SGCD: variants seen among roughly 807,000 people sequenced by gnomAD.
The protein encoded by SGCD is delta-sarcoglycan.
Under a neutral mutation model 36.6 loss-of-function variants are expected in SGCD, and 18 were observed. That is an observed-to-expected ratio of 0.49 (90% CI 0.34 to 0.73). The LOEUF is 0.73. Among genes scored for constraint, SGCD ranks in the 30% least tolerant of loss-of-function variants. The pLI, the probability that SGCD is intolerant of heterozygous loss-of-function variation, is 0.01. For missense variants in SGCD, 387 were observed against 346.7 expected, an observed-to-expected ratio of 1.12 and a Z score of -0.92; for synonymous variants, 133 against 130.6, an observed-to-expected ratio of 1.02 and a Z score of -0.12.
intron 1 of SGCD, among the ~76,000 whole-genome samples, chr5:156,114,497 C>T (rs1345911149): frequency 6.6e-6 from 1 of 151,966 alleles, no homozygotes; most frequent in Non-Finnish European, 1.5e-5. Context: ...CATTGTGCAA[C>T]ATGATCATGA....
rs543739586 is a variant in SGCD at position 156,156,436 on chromosome 5, C to T, written c.-44+32417C>T. On this transcript the variant is annotated intron_variant, in intron 3 of 9. Transcript: ENST00000517913. ...TTGAGGTCAGGAATTCGAGATCAGC[C>T]TGACCAACATGGCAAAACCCTGTTT... Among the ~76,000 whole-genome samples the T allele has an allele frequency of 4.2e-4, 64 of 151,636 alleles. 3 individuals carry two copies. The highest frequency in any genetic ancestry group is 1.5e-3 in the African/African-American group (62 of 40,966).
At chr5:156,190,486 A>G (rs765568925) in intron 3 of SGCD, among the ~76,000 whole-genome samples, 1 of 152,068 alleles carries the variant, frequency 6.6e-6, no homozygotes, top group Admixed American at 6.6e-5. Flanking sequence ...GTTTTGCCCT[A>G]TGTAATTTAT....
chr5:155,886,824 A>C (rs1376977252), intron 1 of SGCD, among the ~76,000 whole-genome samples: 1 of 152,150 alleles, frequency 6.6e-6, no homozygotes, highest in East Asian at 1.9e-4. Flanking sequence ...AGGGGCAAAA[A>C]TCACTCAGCA....
At chr5:156,224,182 G>T (rs1233015705) in intron 3 of SGCD, among the ~76,000 whole-genome samples, 1 of 151,948 alleles carries the variant, frequency 6.6e-6, no homozygotes, top group Non-Finnish European at 1.5e-5. Context: ...GAGGTGCAGG[G>T]AGATAGAGAG....
chr5:156,703,956 T>A (rs542569285), intron 7 of SGCD: 1 of 152,096 alleles, frequency 6.6e-6, no homozygotes, highest in African/African-American at 2.4e-5. Flanking sequence ...GAGGGAGGAA[T>A]GAACCACCAT....
intron 3 of SGCD, among the ~76,000 whole-genome samples, chr5:156,437,289 T>A (rs768969493): frequency 3.3e-5 from 5 of 152,196 alleles, no homozygotes; most frequent in Non-Finnish European, 1.5e-5. Flanking sequence ...TTTAGTTGGA[T>A]TCTGTCATCT....
intron 1 of SGCD, among the ~76,000 whole-genome samples, chr5:155,948,064 G>A (rs1482911854): frequency 6.6e-6 from 1 of 152,164 alleles, no homozygotes; most frequent in African/African-American, 2.4e-5. Context: ...ATCACCTGAG[G>A]TCAGGAGTTC....
At position 156,149,418 on chromosome 5, in the gene SGCD, G is replaced by A. The variant is rs185044437; in HGVS notation, c.-44+25399G>A. ...TACTCTGATAAGCAGACTGAATCAT[G>A]TTTTGGATGTCATTCTTCAGATGCT... On this transcript the variant is annotated intron_variant, in intron 3 of 9. Transcript: ENST00000517913. Among the ~76,000 whole-genome samples the A allele has an allele frequency of 6.3e-4, 96 of 152,276 alleles. 1 individual carries two copies. The Middle Eastern group carries it at 0.017, about 27-fold the overall frequency.
chr5:156,392,576 A>G (rs898273807), intron 3 of SGCD, among the ~76,000 whole-genome samples: 1 of 152,212 alleles, frequency 6.6e-6, no homozygotes, highest in African/African-American at 2.4e-5. Flanking sequence ...AGCTTGTGTT[A>G]GCTCAATTAG....
At chr5:155,955,180 C>G (rs1326512165) in intron 1 of SGCD, among the ~76,000 whole-genome samples, 3 of 152,110 alleles carry the variant, frequency 2.0e-5, no homozygotes, top group Non-Finnish European at 4.4e-5. Context: ...AATACCCTCA[C>G]AGACACTCTC....
At chr5:156,491,925 A>G (rs886716324) in intron 3 of SGCD, among the ~76,000 whole-genome samples, 4 of 152,064 alleles carry the variant, frequency 2.6e-5, no homozygotes, top group Non-Finnish European at 5.9e-5. Flanking sequence ...ATCCTAAAAA[A>G]TTTTTTAACT....
At chr5:156,270,449 C>A (rs1766146291) in intron 3 of SGCD, among the ~76,000 whole-genome samples, 1 of 152,026 alleles carries the variant, frequency 6.6e-6, no homozygotes, top group African/African-American at 2.4e-5. Context: ...TATGTTTAAG[C>A]AATACTATTA....
intron 7 of SGCD, among the ~76,000 whole-genome samples, chr5:156,681,103 T>C (rs1034010488): frequency 3.3e-5 from 5 of 152,154 alleles, no homozygotes; most frequent in African/African-American, 1.2e-4. Context: ...CAAGTGCCAA[T>C]CAGATCAGTA....
the SGCD span, among the ~76,000 whole-genome samples, chr5:155,795,641 CAA>C: frequency 6.6e-6 from 1 of 151,876 alleles, no homozygotes; most frequent in African/African-American, 2.4e-5. Flanking sequence ...TGTATATTAA[CAA>C]TAATAGTTCA....
At chr5:156,481,678 A>G (rs1367058801) in intron 3 of SGCD, among the ~76,000 whole-genome samples, 1 of 152,162 alleles carries the variant, frequency 6.6e-6, no homozygotes, top group Non-Finnish European at 1.5e-5. Flanking sequence ...TTAGGGAAGA[A>G]GAAGAAATGT....
chr5:156,289,631 C>A (rs537917483), intron 3 of SGCD, among the ~76,000 whole-genome samples: 6 of 151,790 alleles, frequency 4.0e-5, no homozygotes, highest in African/African-American at 1.4e-4. Context: ...TGTGAGAACT[C>A]TTTGAGAAAT....
Position 156,098,639 on chromosome 5 carries a change from T to TACACACACACACAC in SGCD, c.-281-19227_-281-19214dup, listed in dbSNP as rs35247485. On this transcript the variant is annotated intron_variant, in intron 1 of 9. Transcript: ENST00000517913. ...TATATTTATTTATGTTGCATGTGTA[T>TACACACACACACAC]ACACACACACACACACACACACACA... Among the ~76,000 whole-genome samples the TACACACACACACAC allele has an allele frequency of 4.0e-5, 6 of 149,402 alleles. No individual in the cohort carries two copies. The East Asian group carries it at 1.2e-3, about 29-fold the overall frequency.
At chr5:156,335,881 G>T (rs901054680) in intron 2 of SGCD, among the ~76,000 whole-genome samples, 3 of 152,166 alleles carry the variant, frequency 2.0e-5, no homozygotes, top group South Asian at 4.2e-4. Context: ...CTGGGCCACT[G>T]CCACCTCTCT....
the SGCD span, among the ~76,000 whole-genome samples, chr5:155,829,292 A>G: frequency 1.3e-5 from 2 of 150,906 alleles, no homozygotes; most frequent in Admixed American, 1.3e-4. Context: ...AGAGCCCAGG[A>G]AACAGTTCCC....
Sources: allele counts gnomAD v4.1 joint callset (sites outside exome capture counted in the v4.1 genomes callset), GRCh38; gene constraint gnomAD v4.1.1; transcripts MANE v1.5; gene names NCBI Gene and HGNC (gene_info 2026-07-23, HGNC 2026-07-21).